The following AGBL1 variants were observed in gnomAD, a reference collection of about 807,000 sequenced individuals.
AGBL1 encodes the protein cytosolic carboxypeptidase 4.
A neutral mutation model predicts 118.9 loss-of-function variants in AGBL1; 130 were observed. The observed-to-expected ratio is 1.09, with a 90% CI of 0.95 to 1.26. AGBL1 has a LOEUF of 1.26. Ranked by LOEUF, AGBL1 falls within the 50% of genes most tolerant of loss-of-function variation. AGBL1 has a pLI of 0.00. For synonymous variants in AGBL1, 555 were observed against 478.9 expected, an observed-to-expected ratio of 1.16 and a Z score of -2.08; for missense variants, 1,584 against 1,298.1, an observed-to-expected ratio of 1.22 and a Z score of -3.38.
chr15:86,681,184 A>T (rs2085948863), intron 22 of AGBL1, among the ~76,000 whole-genome samples: 1 of 152,064 alleles, frequency 6.6e-6, no homozygotes, highest in Admixed American at 6.6e-5. Context: ...GCCCCAATTC[A>T]TCAAATTCTG....
At chr15:86,820,993 C>G (rs187003235) in intron 22 of AGBL1, among the ~76,000 whole-genome samples, 4 of 151,996 alleles carry the variant, frequency 2.6e-5, no homozygotes, top group Admixed American at 2.6e-4. Flanking sequence ...TGGAATACTA[C>G]GGAGCCAAAA....
At chr15:87,004,580 G>A (rs1277525525) in intron 24 of AGBL1, among the ~76,000 whole-genome samples, 2 of 151,966 alleles carry the variant, frequency 1.3e-5, no homozygotes, top group African/African-American at 4.8e-5. Context: ...GCCTATTTAT[G>A]TCTCTGCACG....
intron 7 of AGBL1, among the ~76,000 whole-genome samples, chr15:86,251,803 C>A (rs2078819826): frequency 7.2e-6 from 1 of 139,434 alleles, no homozygotes; most frequent in Non-Finnish European, 1.5e-5. Context: ...AGACGGATGA[C>A]AATTTGAATG....
intron 22 of AGBL1, among the ~76,000 whole-genome samples, chr15:86,736,446 C>A (rs1031953601): frequency 3.3e-5 from 5 of 152,058 alleles, no homozygotes; most frequent in African/African-American, 1.2e-4. Flanking sequence ...TTCTATATAG[C>A]ATCTCCCATT....
chr15:86,906,522 T>C (rs1479126204), intron 22 of AGBL1, among the ~76,000 whole-genome samples: 1 of 152,208 alleles, frequency 6.6e-6, no homozygotes, highest in Non-Finnish European at 1.5e-5. Context: ...CCATTCATCA[T>C]GATGAAGGAG....
chr15:86,263,813 A>G (rs2079030208), intron 10 of AGBL1, among the ~76,000 whole-genome samples: 2 of 152,240 alleles, frequency 1.3e-5, no homozygotes, highest in African/African-American at 4.8e-5. Context: ...AAGCTAAGTC[A>G]TGTGTACAGA....
rs61365024 is a variant in AGBL1, at chr15:86,262,078, C to CTTTTTTTTTTTTTTTTTTTTTTTTT, written c.970-684_970-683insTTTTTTTTTTTTTTTTTTTTTTTTT. Among the ~76,000 whole-genome samples the CTTTTTTTTTTTTTTTTTTTTTTTTT allele has an allele frequency of 2.3e-3, 119 of 52,766 alleles. 39 individuals are homozygous for CTTTTTTTTTTTTTTTTTTTTTTTTT. The highest frequency in any genetic ancestry group is 4.2e-3 in the East Asian group (4 of 954). The allele number at this position is 52,766 out of a possible 152,430, so 34.6% of individuals were successfully genotyped here. ...CACTGCTAGGCCTATGCATAGCTGG[C>CTTTTTTTTTTTTTTTTTTTTTTTTT]TTTTTTTTTTTTTTTTGCCATTTAG... is the stretch of plus-strand genomic sequence containing the variant. On this transcript the variant is annotated intron_variant, in intron 9 of 22. Coordinates refer to ENST00000614907, the MANE Select transcript of AGBL1 (RefSeq NM_001386094.1).
At chr15:86,583,587 G>T (rs544741941) in intron 21 of AGBL1, among the ~76,000 whole-genome samples, 1 of 152,112 alleles carries the variant, frequency 6.6e-6, no homozygotes, top group South Asian at 2.1e-4. Flanking sequence ...CTGCTGATGG[G>T]CGCTTAAGTT....
intron 21 of AGBL1, among the ~76,000 whole-genome samples, chr15:86,595,520 C>A (rs527917127): frequency 1.4e-4 from 21 of 152,194 alleles, no homozygotes; most frequent in Non-Finnish European, 3.1e-4. Flanking sequence ...TCTAGTAAAT[C>A]AAAAATCTTA....
intron 22 of AGBL1, among the ~76,000 whole-genome samples, chr15:86,833,093 G>T (rs910050156): frequency 2.6e-5 from 4 of 152,064 alleles, no homozygotes; most frequent in African/African-American, 9.7e-5. Flanking sequence ...TCACAGCATG[G>T]AAAAGACCCG....
intron 5 of AGBL1, among the ~76,000 whole-genome samples, chr15:86,196,569 G>A (rs899178909): frequency 6.6e-6 from 1 of 152,092 alleles, no homozygotes; most frequent in African/African-American, 2.4e-5. Flanking sequence ...TACACATGGG[G>A]TGGGTAATAC....
At position 86,257,017 on chromosome 15, in the gene AGBL1, A is replaced by T. The variant is rs1318542811; in HGVS notation, c.900A>T (p.Glu300Asp). Reference protein sequence around the residue: ...ITTEPPHDLPEEDFEDDGDDE... With the variant: ...ITTEPPHDLPDEDFEDDGDDE... The stretch of plus-strand genomic sequence containing the variant: ...CTGAACCTCCACATGATCTACCTGA[A>T]GGTAAAATAAGTTGGTAACTATGAC... Residue 300 changes from glutamate to aspartate, a missense_variant and splice_region_variant, in exon 8 of 23, where the codon GAA becomes GAT. Transcript: ENST00000614907. The T allele has an allele frequency of 1.9e-6, 3 of 1,612,860 alleles. No homozygotes were observed. The highest frequency in any genetic ancestry group is 2.5e-6 in the Non-Finnish European group (3 of 1,179,438).
intron 22 of AGBL1, among the ~76,000 whole-genome samples, chr15:86,696,244 T>C (rs796172521): frequency 2.6e-5 from 4 of 152,134 alleles, no homozygotes; most frequent in South Asian, 2.1e-4. Context: ...AGTAACTGTT[T>C]TATAAATTTG....
Position 86,827,938 on chromosome 15 carries a change from CTTTTT to C in AGBL1, c.3159-79133_3159-79129del, listed in dbSNP as rs71144074. ...ATAGTCTCTGGCACTTGATGTAGGG[CTTTTT>C]TTTTTTTTTTTTTTTGAGACAGTAT... On this transcript the variant is annotated intron_variant, in intron 22 of 22. Coordinates refer to ENST00000614907, the MANE Select transcript of AGBL1 (RefSeq NM_001386094.1). Among the ~76,000 whole-genome samples the C allele has an allele frequency of 6.0e-4, 10 of 16,760 alleles. 1 individual carries two copies. The highest frequency in any genetic ancestry group is 1.6e-3 in the Admixed American group (2 of 1,240). The allele number at this position is 16,760 out of a possible 152,430, so 11.0% of individuals were successfully genotyped here.
chr15:87,027,604 T>C (rs1467625311), intron 24 of AGBL1, among the ~76,000 whole-genome samples: 1 of 151,990 alleles, frequency 6.6e-6, no homozygotes, highest in African/African-American at 2.4e-5. Flanking sequence ...GCAGCACTAT[T>C]CACAATAGCG....
intron 22 of AGBL1, among the ~76,000 whole-genome samples, chr15:86,844,829 T>C (rs897044211): frequency 6.6e-6 from 1 of 152,128 alleles, no homozygotes; most frequent in African/African-American, 2.4e-5. Context: ...CTGAGTTTGA[T>C]AGTTTTTGCT....
chr15:86,154,418 T>C lies in AGBL1; in HGVS notation c.263-12T>C. 1 of 1,610,248 alleles carries C rather than the reference T, an allele frequency of 6.2e-7. No individual in the cohort carries two copies. Among genetic ancestry groups the C allele is most frequent in the South Asian group, 1.1e-5 (1 of 90,172 alleles). On this transcript the variant is annotated splice_polypyrimidine_tract_variant and intron_variant, in intron 3 of 22. Coordinates refer to ENST00000614907, the MANE Select transcript of AGBL1 (RefSeq NM_001386094.1). ...TGAAGTGCAACTAAGATAGATTGAT[T>C]TGTGTTCTTAGATAAAAAGATTGGA...
intron 23 of AGBL1, among the ~76,000 whole-genome samples, chr15:86,951,993 G>A (rs1214444618): frequency 1.3e-5 from 2 of 152,154 alleles, no homozygotes; most frequent in South Asian, 2.1e-4. Flanking sequence ...AGCACTTTGG[G>A]AGGCTGAGGC....
At chr15:86,862,666 G>A (rs951132573) in intron 22 of AGBL1, among the ~76,000 whole-genome samples, 2 of 152,198 alleles carry the variant, frequency 1.3e-5, no homozygotes, top group Non-Finnish European at 2.9e-5. Flanking sequence ...GTCACAGTGA[G>A]CTGAGATCGC....
Sources: allele counts gnomAD v4.1 joint callset (sites outside exome capture counted in the v4.1 genomes callset), GRCh38; gene constraint gnomAD v4.1.1; transcripts MANE v1.5; gene names NCBI Gene and HGNC (gene_info 2026-07-23, HGNC 2026-07-21).